TIA1: variants seen among roughly 807,000 people sequenced by gnomAD.
TIA1 encodes the protein TIA1 cytotoxic granule associated RNA binding protein.
In TIA1, 23 loss-of-function variants were observed where a neutral mutation model predicts 65.9. The observed-to-expected ratio is 0.35, with a 90% CI of 0.25 to 0.49. The LOEUF is 0.49. Ranked by LOEUF, TIA1 falls within the 20% of genes least tolerant of loss-of-function variation. The pLI, the probability that TIA1 is intolerant of heterozygous loss-of-function variation, is 0.98. For missense variants in TIA1, 371 were observed against 477.9 expected, an observed-to-expected ratio of 0.78 and a Z score of 2.09; for synonymous variants, 147 against 149.4, an observed-to-expected ratio of 0.98 and a Z score of 0.12.
intron 7 of TIA1, among the ~76,000 whole-genome samples, chr2:70,223,447 G>C (rs1682415085): frequency 6.6e-6 from 1 of 151,468 alleles, no homozygotes; most frequent in Admixed American, 6.6e-5. Flanking sequence ...CTTGAGACAG[G>C]GCCTCACTTT....
At chr2:70,215,350 C>A in intron 11 of TIA1, 21 bp downstream of exon 11, 2 of 1,612,212 alleles carry the variant, frequency 1.2e-6, no homozygotes, top group South Asian at 2.2e-5. Flanking sequence ...AATTACTTCT[C>A]AAAGTTAAGA....
In TIA1 at chr2:70,216,105, G is replaced by A. The variant is rs186199586; in HGVS notation, c.764+103C>T. The stretch of plus-strand genomic sequence containing the variant: ...AAATTTTTAAGAAAACGAGGTAAAT[G>A]TTCAAAAAATATTTTGGAGGAAAAA... On this transcript the variant is annotated intron_variant, in intron 10 of 12. Transcript: ENST00000433529. 9.1e-6 allele frequency: 10 copies of A among 1,095,928 alleles called. No homozygotes were observed. The East Asian group carries it at 2.7e-4, about 30-fold the overall frequency. The allele number at this position is 1,095,928 out of a possible 1,614,324, so 67.9% of individuals were successfully genotyped here.
chr2:70,243,482 C>T (rs1692822651), intron 1 of TIA1, among the ~76,000 whole-genome samples: 1 of 152,032 alleles, frequency 6.6e-6, no homozygotes, highest in African/African-American at 2.4e-5. Flanking sequence ...TGTGTATATA[C>T]TATACATCAG....
At chr2:70,225,287 G>A in intron 6 of TIA1, 2 of 1,247,652 alleles carry the variant, frequency 1.6e-6, no homozygotes, top group African/African-American at 1.6e-5. Context: ...AGATATAAAA[G>A]CAAAATTTTA....
At chr2:70,242,271 G>A (rs992870988) in intron 1 of TIA1, among the ~76,000 whole-genome samples, 1 of 151,876 alleles carries the variant, frequency 6.6e-6, no homozygotes, top group Non-Finnish European at 1.5e-5. Flanking sequence ...GGTGGCTCAC[G>A]CCTGTAATCC....
intron 2 of TIA1, among the ~76,000 whole-genome samples, chr2:70,232,623 C>G (rs1481202467): frequency 6.7e-6 from 1 of 148,996 alleles, no homozygotes; most frequent in Non-Finnish European, 1.5e-5. Context: ...AATCTCAGCA[C>G]TCTGGGAGGA....
At chr2:70,248,706 G>A (rs943713111), upstream of TIA1, 10 of 524,700 alleles carry the variant, frequency 1.9e-5, no homozygotes, top group Non-Finnish European at 3.4e-5. Flanking sequence ...CTCAACCTCC[G>A]GGCCGCCCGG....
chr2:70,241,979 A>G (rs1423512723), intron 1 of TIA1, among the ~76,000 whole-genome samples: 4 of 152,140 alleles, frequency 2.6e-5, no homozygotes, highest in East Asian at 3.8e-4. Flanking sequence ...CGATGACGAA[A>G]TGCAATGTGG....
intron 1 of TIA1, among the ~76,000 whole-genome samples, chr2:70,238,615 G>C (rs990715735): frequency 6.6e-6 from 1 of 151,876 alleles, no homozygotes; most frequent in Non-Finnish European, 1.5e-5. Flanking sequence ...GCTTACAGTG[G>C]GATGAGAAAC....
intron 8 of TIA1, 79 bp from the exon 9 acceptor site, chr2:70,216,578 C>T: frequency 2.1e-6 from 3 of 1,400,160 alleles, no homozygotes; most frequent in South Asian, 1.2e-5. Context: ...CACTACACTA[C>T]TGTAAAGGTA....
chr2:70,214,137 A>T (rs1479951675), intron 12 of TIA1, among the ~76,000 whole-genome samples: 1 of 152,222 alleles, frequency 6.6e-6, no homozygotes, highest in East Asian at 1.9e-4. Context: ...AGTGTATATA[A>T]GAATGGCTAA....
At chr2:70,228,826 G>T in intron 5 of TIA1, 1 of 1,410,294 alleles carries the variant, frequency 7.1e-7, no homozygotes. Context: ...GGTGAAAGTA[G>T]TTCTAAGGCA....
intron 1 of TIA1, among the ~76,000 whole-genome samples, chr2:70,240,149 T>G (rs1691028002): frequency 6.6e-6 from 1 of 152,180 alleles, no homozygotes; most frequent in South Asian, 2.1e-4. Flanking sequence ...AATGAGAGCT[T>G]TGGCTGTTAC....
intron 1 of TIA1, among the ~76,000 whole-genome samples, chr2:70,247,225 C>A (rs1285790585): frequency 6.6e-6 from 1 of 152,150 alleles, no homozygotes; most frequent in African/African-American, 2.4e-5. Context: ...AAAGAAATTT[C>A]AAGGTTACTA....
chr2:70,229,106 T>C lies in TIA1; in HGVS notation c.278-15A>G, dbSNP rs1163195025. 1.2e-6 allele frequency: 2 copies of C among 1,613,332 alleles called. No homozygotes were observed. Among genetic ancestry groups the C allele is most frequent in the Non-Finnish European group, 1.7e-6 (2 of 1,179,510 alleles). On this transcript the variant is annotated splice_polypyrimidine_tract_variant and intron_variant, in intron 4 of 12. Coordinates refer to ENST00000433529, the MANE Select transcript of TIA1 (RefSeq NM_022173.4). ...AACGGTACTACCTGATGACAAAGATTAGATTTGTTCTTAAATTTATTAACA... is the reference window on the plus strand; with the variant it reads ...AACGGTACTACCTGATGACAAAGATCAGATTTGTTCTTAAATTTATTAACA...
At chr2:70,231,028 G>A (rs1032526768) in intron 2 of TIA1, among the ~76,000 whole-genome samples, 174 bp from the exon 3 acceptor site, 8 of 152,148 alleles carry the variant, frequency 5.3e-5, no homozygotes, top group Non-Finnish European at 2.9e-5. Flanking sequence ...GGCTGGGTGA[G>A]GTGGCTCACA....
At chr2:70,224,258 G>A (rs149944560) in intron 7 of TIA1, among the ~76,000 whole-genome samples, 43 of 152,250 alleles carry the variant, frequency 2.8e-4, no homozygotes, top group Admixed American at 5.2e-4. Flanking sequence ...ACTACCATGG[G>A]AATATAAACT....
intron 2 of TIA1, among the ~76,000 whole-genome samples, chr2:70,234,713 C>T (rs1688000273): frequency 6.6e-6 from 1 of 152,218 alleles, no homozygotes; most frequent in East Asian, 1.9e-4. Flanking sequence ...AGGCGCTTGC[C>T]ACCATGTCCG....
chr2:70,248,033 CAAA>C (rs1028535919), intron 1 of TIA1, among the ~76,000 whole-genome samples: 4 of 151,194 alleles, frequency 2.6e-5, no homozygotes, highest in Non-Finnish European at 5.9e-5. Flanking sequence ...AGAGGTTAAT[CAAA>C]AAGGGGGAGA....
Sources: allele counts gnomAD v4.1 joint callset (sites outside exome capture counted in the v4.1 genomes callset), GRCh38; gene constraint gnomAD v4.1.1; transcripts MANE v1.5; gene names NCBI Gene and HGNC (gene_info 2026-07-23, HGNC 2026-07-21).